CFAP77: variants seen among roughly 807,000 people sequenced by gnomAD.
CFAP77 encodes the protein cilia and flagella associated protein 77.
CFAP77 carries 25 observed loss-of-function variants against 31.1 expected under a neutral mutation model. The ratio of observed to expected loss-of-function variants is 0.80; its 90% confidence interval spans 0.59 to 1.12. CFAP77 has a LOEUF of 1.12. Among genes scored for constraint, CFAP77 ranks in the 50% most tolerant of loss-of-function variants. The pLI, the probability that CFAP77 is intolerant of heterozygous loss-of-function variation, is 0.00. For missense variants in CFAP77, 377 were observed against 397.3 expected (o/e 0.95, Z 0.44); for synonymous variants, 151 against 159.9 (o/e 0.94, Z 0.42).
At chr9:132,466,173 T>C (rs980346279) in intron 1 of CFAP77, among the ~76,000 whole-genome samples, 1 of 152,124 alleles carries the variant, frequency 6.6e-6, no homozygotes, top group African/African-American at 2.4e-5. Context: ...TCTTCCAGGC[T>C]CAAGCAATCC....
chr9:132,551,128 A>G (rs1051535523), intron 5 of CFAP77, among the ~76,000 whole-genome samples: 6 of 151,446 alleles, frequency 4.0e-5, no homozygotes, highest in African/African-American at 1.5e-4. Context: ...TGCAAAGAAA[A>G]AAGAAAAAAA....
rs148888326 is a variant in CFAP77, at chr9:132,536,921, G to A, written c.525-680G>A. Among the ~76,000 whole-genome samples the A allele has an allele frequency of 5.0e-4, 76 of 152,280 alleles. 1 individual carries two copies. Among genetic ancestry groups the A allele is most frequent in the African/African-American group, 1.8e-3 (73 of 41,560 alleles). Reference sequence around the variant, plus strand: ...GTATCCATTTTCCTGTTGGGAAGGGGTGGAGCATACAAAATGCCTAGGGTA... The same window carrying A: ...GTATCCATTTTCCTGTTGGGAAGGGATGGAGCATACAAAATGCCTAGGGTA... On this transcript the variant is annotated intron_variant, in intron 3 of 5. Coordinates refer to ENST00000393216, the MANE Select transcript of CFAP77 (RefSeq NM_001282957.2).
intron 3 of CFAP77, among the ~76,000 whole-genome samples, chr9:132,509,013 A>G (rs998120993): frequency 6.6e-6 from 1 of 152,220 alleles, no homozygotes; most frequent in Non-Finnish European, 1.5e-5. Context: ...CGTTGGTGCC[A>G]GTGGCCTGGT....
Position 132,564,941 on chromosome 9 carries a change from A to G in CFAP77, c.733-7447A>G, listed in dbSNP as rs533471965. On this transcript the variant is annotated intron_variant, in intron 5 of 5. Transcript: ENST00000393216. The surrounding 1 kb of genome is among the most constrained non-coding windows in gnomAD (Gnocchi z 4.6). ...CAGCTCTGCCCAGGACTCACGGGAGACCTGGGAGGGTCACTTCTCACCTTC... is the reference window on the plus strand; with the variant it reads ...CAGCTCTGCCCAGGACTCACGGGAGGCCTGGGAGGGTCACTTCTCACCTTC... 5.9e-5 allele frequency among the ~76,000 whole-genome samples: 9 copies of G among 152,136 alleles called. No homozygotes were observed. Among genetic ancestry groups the G allele is most frequent in the Non-Finnish European group, 1.3e-4 (9 of 67,998 alleles).
intron 1 of CFAP77, among the ~76,000 whole-genome samples, chr9:132,444,542 A>C (rs1020031286): frequency 5.3e-5 from 8 of 152,130 alleles, no homozygotes; most frequent in Admixed American, 4.6e-4. Context: ...CTGTGGTTAG[A>C]TTCAAGAGAG....
At chr9:132,516,295 A>G (rs1408352696) in intron 3 of CFAP77, among the ~76,000 whole-genome samples, 3 of 152,204 alleles carry the variant, frequency 2.0e-5, no homozygotes, top group African/African-American at 4.8e-5. Context: ...AGAGTCTGCT[A>G]TTTGCAACCA....
chr9:132,493,835 T>C (rs918037601), intron 1 of CFAP77, among the ~76,000 whole-genome samples: 3 of 151,946 alleles, frequency 2.0e-5, no homozygotes, highest in African/African-American at 4.9e-5. Context: ...AGTTTCTTTT[T>C]TTCTTTCCTT....
intron 1 of CFAP77, among the ~76,000 whole-genome samples, chr9:132,417,416 G>A (rs912518896): frequency 3.9e-5 from 6 of 152,162 alleles, no homozygotes; most frequent in African/African-American, 1.2e-4. Context: ...TCTGGCCGCA[G>A]TTTTTCTTTT....
At position 132,554,552 on chromosome 9, in the gene CFAP77, G is replaced by A. The variant is rs1852868122; in HGVS notation, c.732+11505G>A. Among the ~76,000 whole-genome samples, 1 of 151,950 alleles carries A rather than the reference G, an allele frequency of 6.6e-6. No individual in the cohort carries two copies. The highest frequency in any genetic ancestry group is 2.4e-5 in the African/African-American group (1 of 41,362). On this transcript the variant is annotated intron_variant, in intron 5 of 5. Transcript: ENST00000393216. This position sits in a 1 kb window ranked among gnomAD's most constrained non-coding sequence, Gnocchi z 4.1. ...GGGTTTTACCATATTGCCTAGGCTGGTCTTGAACTCCTGGGCTCAAGAGAT... is the reference window on the plus strand; with the variant it reads ...GGGTTTTACCATATTGCCTAGGCTGATCTTGAACTCCTGGGCTCAAGAGAT...
chr9:132,497,146 G>A lies in CFAP77; in HGVS notation c.196-1549G>A, dbSNP rs1255985427. ...GTGGGTTTGTCTATCTCAACAGGGG[G>A]TGCTGTGGGGGAGCCTGGGAGGCAA... On this transcript the variant is annotated intron_variant, in intron 1 of 5. Transcript: ENST00000393216. The surrounding 1 kb of genome is among the most constrained non-coding windows in gnomAD (Gnocchi z 4.9). Among the ~76,000 whole-genome samples, 4 of 151,892 alleles carry A rather than the reference G, an allele frequency of 2.6e-5. No individual in the cohort carries two copies. Among genetic ancestry groups the A allele is most frequent in the Admixed American group, 2.6e-4 (4 of 15,256 alleles).
chr9:132,497,994 C>A lies in CFAP77; in HGVS notation c.196-701C>A, dbSNP rs1324272448. Reference sequence around the variant, plus strand: ...TTGGGGGCCGGGGATATCGACCCTGCCTCTCTAGGCCTCAGTTTCTATAGC... The same window carrying A: ...TTGGGGGCCGGGGATATCGACCCTGACTCTCTAGGCCTCAGTTTCTATAGC... On this transcript the variant is annotated intron_variant, in intron 1 of 5. Coordinates refer to ENST00000393216, the MANE Select transcript of CFAP77 (RefSeq NM_001282957.2). This position sits in a 1 kb window ranked among gnomAD's most constrained non-coding sequence, Gnocchi z 4.9. Among the ~76,000 whole-genome samples the A allele has an allele frequency of 6.6e-6, 1 of 152,104 alleles. No individual in the cohort carries two copies. The highest frequency in any genetic ancestry group is 1.9e-4 in the East Asian group (1 of 5,160).
intron 1 of CFAP77, among the ~76,000 whole-genome samples, chr9:132,438,835 G>A (rs1043730225): frequency 6.6e-6 from 1 of 150,904 alleles, no homozygotes; most frequent in African/African-American, 2.4e-5. Flanking sequence ...GCACCTGACC[G>A]GCCAACATTC....
chr9:132,539,290 A>T lies in CFAP77; in HGVS notation c.630+1584A>T, dbSNP rs1852600360. ...GGCTCCGGCGTGGCTAGTTGTCATG[A>T]CAATCACAACCAGCACCCTCCCCAA... On this transcript the variant is annotated intron_variant, in intron 4 of 5. Transcript: ENST00000393216. This position sits in a 1 kb window ranked among gnomAD's most constrained non-coding sequence, Gnocchi z 4.3. 6.6e-6 allele frequency among the ~76,000 whole-genome samples: 1 copy of T among 152,022 alleles called. No homozygotes were observed. The highest frequency in any genetic ancestry group is 1.5e-5 in the Non-Finnish European group (1 of 68,004).
intron 1 of CFAP77, among the ~76,000 whole-genome samples, chr9:132,464,035 T>C (rs1208994339): frequency 6.6e-6 from 1 of 152,182 alleles, no homozygotes; most frequent in Non-Finnish European, 1.5e-5. Flanking sequence ...CTGCTTTCCC[T>C]CATTCCGCAT....
intron 1 of CFAP77, among the ~76,000 whole-genome samples, chr9:132,453,517 C>T (rs947324650): frequency 4.6e-5 from 7 of 152,202 alleles, no homozygotes; most frequent in African/African-American, 1.7e-4. Flanking sequence ...CAGAGCGAGA[C>T]TCCGTCTCAA....
intron 1 of CFAP77, among the ~76,000 whole-genome samples, chr9:132,426,460 C>A (rs1033805612): frequency 6.6e-6 from 1 of 151,932 alleles, no homozygotes; most frequent in African/African-American, 2.4e-5. Flanking sequence ...AACAGGGAGG[C>A]CTAATGTCAC....
rs1851444274 is a variant in CFAP77 at position 132,481,372 on chromosome 9, C to A, written c.196-17323C>A. 6.6e-6 allele frequency among the ~76,000 whole-genome samples: 1 copy of A among 152,196 alleles called. No homozygotes were observed. Among genetic ancestry groups the A allele is most frequent in the Non-Finnish European group, 1.5e-5 (1 of 68,038 alleles). ...CTCCTGAAACCCCATCCAAGTCCTG[C>A]CCACTAAAGCTTGTGTATTCCTATT... is the stretch of plus-strand genomic sequence containing the variant. On this transcript the variant is annotated intron_variant, in intron 1 of 5. Transcript: ENST00000393216. The surrounding 1 kb of genome is among the most constrained non-coding windows in gnomAD (Gnocchi z 5.0).
intron 1 of CFAP77, among the ~76,000 whole-genome samples, chr9:132,451,403 T>C (rs1850825351): frequency 6.7e-6 from 1 of 150,180 alleles, no homozygotes; most frequent in South Asian, 2.1e-4. Context: ...CCACAAACAG[T>C]GGTCTTTTAG....
chr9:132,450,098 T>G (rs1350094746), intron 1 of CFAP77, among the ~76,000 whole-genome samples: 1 of 151,888 alleles, frequency 6.6e-6, no homozygotes, highest in East Asian at 1.9e-4. Context: ...GCCCGGCTAA[T>G]TTTTTGTATT....
Sources: gnomAD v4.1 joint callset for allele counts (sites outside exome capture counted in the v4.1 genomes callset) on GRCh38, gnomAD v4.1.1 for gene constraint, Gnocchi (gnomAD v3.1) non-coding constraint, MANE v1.5 for transcripts, NCBI Gene and HGNC (gene_info 2026-07-23, HGNC 2026-07-21) for gene names.